Variants in ATXN7 observed in about 807,000 individuals in gnomAD.
ATXN7 encodes ataxin 7, also known as ataxin-7.
A neutral mutation model predicts 70.5 loss-of-function variants in ATXN7; 12 were observed. The observed-to-expected ratio is 0.17, with a 90% CI of 0.11 to 0.28. The LOEUF is 0.28. ATXN7 is among the 10% of genes least tolerant of loss of function. The probability of loss-of-function intolerance (pLI) is 1.00; values close to 1 mark genes in which losing one functional copy is unlikely to be tolerated. For missense variants in ATXN7, 1,256 were observed against 1,131.7 expected, an observed-to-expected ratio of 1.11 and a Z score of -1.58; for synonymous variants, 498 against 448.7, an observed-to-expected ratio of 1.11 and a Z score of -1.39.
At chr3:63,866,022 T>C (rs888683868) in intron 1 of ATXN7, among the ~76,000 whole-genome samples, 34 of 152,020 alleles carry the variant, frequency 2.2e-4, no homozygotes, top group Non-Finnish European at 2.5e-4. Context: ...TAAAATAATC[T>C]GTAATATTTT....
chr3:63,969,281 C>A (rs1448520830), intron 5 of ATXN7, among the ~76,000 whole-genome samples: 1 of 152,094 alleles, frequency 6.6e-6, no homozygotes. Flanking sequence ...TGCCCTCCCC[C>A]ACCCAGAATA....
chr3:63,994,824 AAGG>A (rs2075730177), intron 11 of ATXN7, among the ~76,000 whole-genome samples: 1 of 152,218 alleles, frequency 6.6e-6, no homozygotes, highest in African/African-American at 2.4e-5. Context: ...GCTAAAATAA[AAGG>A]AGACCCTCCC....
At chr3:63,884,276 C>T (rs1003758806) in intron 1 of ATXN7, among the ~76,000 whole-genome samples, 2 of 151,876 alleles carry the variant, frequency 1.3e-5, no homozygotes, top group African/African-American at 4.8e-5. Context: ...TTCACTCTCT[C>T]TCTCTCCACA....
chr3:63,952,835 C>CTTTTTTTTTTTTTTTTTTTTTTTTTT lies in ATXN7; in HGVS notation c.499+358_499+383dup, dbSNP rs59256288. 8.1e-5 allele frequency among the ~76,000 whole-genome samples: 4 copies of CTTTTTTTTTTTTTTTTTTTTTTTTTT among 49,164 alleles called. 2 individuals carry two copies. Among genetic ancestry groups the CTTTTTTTTTTTTTTTTTTTTTTTTTT allele is most frequent in the African/African-American group, 2.0e-4 (2 of 9,806 alleles). The allele number at this position is 49,164 out of a possible 152,430, so 32.3% of individuals were successfully genotyped here. A position where few individuals can be genotyped will look rare whatever the true frequency, so the allele number is the denominator to read the frequency against. On this transcript the variant is annotated intron_variant, in intron 5 of 12. Coordinates refer to ENST00000674280, the MANE Select transcript of ATXN7 (RefSeq NM_001377405.1). ...ACACTCACAATATGGATGCATGGGC[C>CTTTTTTTTTTTTTTTTTTTTTTTTTT]TTTTTTTTTTTTTTTTTTTTTTTTT...
intron 4 of ATXN7, among the ~76,000 whole-genome samples, chr3:63,924,286 G>A (rs1484154367): frequency 2.0e-5 from 3 of 152,180 alleles, no homozygotes; most frequent in African/African-American, 7.2e-5. Flanking sequence ...CACTGCTTTT[G>A]ACGTACTTAG....
At chr3:63,984,376 T>G (rs1310023914) in intron 8 of ATXN7, among the ~76,000 whole-genome samples, 1 of 152,154 alleles carries the variant, frequency 6.6e-6, no homozygotes, top group Admixed American at 6.5e-5. Flanking sequence ...TTGTATAGGG[T>G]ACTAATTGGA....
chr3:63,894,475 G>A (rs1379877449), intron 1 of ATXN7, among the ~76,000 whole-genome samples: 1 of 152,192 alleles, frequency 6.6e-6, no homozygotes, highest in African/African-American at 2.4e-5. Context: ...GAATAACACT[G>A]CCAATTCTAG....
chr3:63,894,229 AG>A (rs1703375038), intron 1 of ATXN7, among the ~76,000 whole-genome samples: 1 of 152,246 alleles, frequency 6.6e-6, no homozygotes, highest in Admixed American at 6.5e-5. Flanking sequence ...ATCCCCCTCC[AG>A]GAAAGTTGGC....
intron 5 of ATXN7, among the ~76,000 whole-genome samples, chr3:63,963,890 A>G (rs2075174003): frequency 6.6e-6 from 1 of 152,198 alleles, no homozygotes; most frequent in South Asian, 2.1e-4. Flanking sequence ...TTCCTGGGTC[A>G]CAAAAGACTA....
At chr3:63,999,049 C>T (rs2075804028) in intron 12 of ATXN7, 1 of 178,894 alleles carries the variant, frequency 5.6e-6, no homozygotes, top group Non-Finnish European at 1.2e-5. Context: ...CGAACTGTCA[C>T]ACCTGTGTGT....
intron 1 of ATXN7, among the ~76,000 whole-genome samples, chr3:63,885,247 A>G (rs1435209260): frequency 6.6e-6 from 1 of 152,206 alleles, no homozygotes; most frequent in African/African-American, 2.4e-5. Flanking sequence ...TAAAATATAT[A>G]AGGAACTCAA....
intron 4 of ATXN7, among the ~76,000 whole-genome samples, chr3:63,930,706 AT>A (rs1470818746): frequency 6.6e-6 from 1 of 151,560 alleles, no homozygotes; most frequent in Non-Finnish European, 1.5e-5. Flanking sequence ...TTTTTTTTGT[AT>A]TTTTATTAGA....
chr3:63,957,508 C>A (rs904088699), intron 5 of ATXN7, among the ~76,000 whole-genome samples: 1 of 152,134 alleles, frequency 6.6e-6, no homozygotes, highest in Non-Finnish European at 1.5e-5. Flanking sequence ...CAAGGAAAAT[C>A]TTAGTAGAAC....
intron 4 of ATXN7, among the ~76,000 whole-genome samples, chr3:63,920,085 A>G (rs1486767098): frequency 1.3e-5 from 2 of 152,120 alleles, no homozygotes; most frequent in Non-Finnish European, 2.9e-5. Flanking sequence ...AGAAGAAGGC[A>G]GACGTTGTTC....
chr3:63,965,633 A>G (rs2075209014), intron 5 of ATXN7, among the ~76,000 whole-genome samples: 1 of 152,182 alleles, frequency 6.6e-6, no homozygotes. Flanking sequence ...AAGAAATATG[A>G]CCATGTCCCC....
At chr3:63,998,201 G>GGGC (rs1553696276) in intron 12 of ATXN7, 25 of 692,990 alleles carry the variant, frequency 3.6e-5, no homozygotes, top group Non-Finnish European at 4.2e-5. Flanking sequence ...AAGGACAGAA[G>GGGC]GGGGGGGGGC....
chr3:63,895,753 C>T lies in ATXN7; in HGVS notation c.-110-2646C>T, dbSNP rs544519923. Among the ~76,000 whole-genome samples the T allele has an allele frequency of 7.0e-3, 1,060 of 151,956 alleles. 13 individuals are homozygous for T. Among genetic ancestry groups the T allele is most frequent in the African/African-American group, 0.022 (911 of 41,416 alleles). The stretch of plus-strand genomic sequence containing the variant: ...TCTCCTTTTCTCTCTCTCTCTCTTT[C>T]TCTCTTTTCTGTCTCTCTCTTGTTT... On this transcript the variant is annotated intron_variant, in intron 1 of 12. Coordinates refer to ENST00000674280, the MANE Select transcript of ATXN7 (RefSeq NM_001377405.1).
intron 4 of ATXN7, among the ~76,000 whole-genome samples, chr3:63,932,028 A>G (rs1374256497): frequency 6.6e-6 from 1 of 152,140 alleles, no homozygotes; most frequent in African/African-American, 2.4e-5. Context: ...AGGGAGAGAA[A>G]ATATACCTTC....
At chr3:63,987,149 G>A (rs1355106618) in intron 8 of ATXN7, among the ~76,000 whole-genome samples, 1 of 152,162 alleles carries the variant, frequency 6.6e-6, no homozygotes, top group Non-Finnish European at 1.5e-5. Context: ...TTTATCTTCT[G>A]TTAGCAATAG....
Sources: allele counts gnomAD v4.1 joint callset (sites outside exome capture counted in the v4.1 genomes callset), GRCh38; gene constraint gnomAD v4.1.1; transcripts MANE v1.5; gene names NCBI Gene and HGNC (gene_info 2026-07-23, HGNC 2026-07-21).